MPP4: variants seen among roughly 807,000 people sequenced by gnomAD.
The protein encoded by MPP4 is MAGUK p55 scaffold protein 4.
Under a neutral mutation model 98.3 loss-of-function variants are expected in MPP4, and 91 were observed. The observed-to-expected ratio is 0.93, with a 90% CI of 0.78 to 1.10. The LOEUF (loss-of-function observed/expected upper bound fraction) is 1.10. Among genes scored for constraint, MPP4 ranks in the 50% least tolerant of loss-of-function variants. The pLI is 0.00. For synonymous variants in MPP4, 261 were observed against 271.8 expected (o/e 0.96, Z 0.39); for missense variants, 744 against 792.9 (o/e 0.94, Z 0.74).
chr2:201,645,165 G>GT lies in MPP4; in HGVS notation c.*44dup, dbSNP rs1455060942. 2 of 1,495,448 alleles carry GT rather than the reference G, an allele frequency of 1.3e-6. No homozygotes were observed. The highest frequency in any genetic ancestry group is 4.6e-5 in the East Asian group (2 of 43,422). 92.6% of individuals were successfully genotyped at this position (1,495,448 alleles called of 1,614,324 possible). A position where few individuals can be genotyped will look rare whatever the true frequency, so the allele number is the denominator to read the frequency against. ...TTTTAGATTGCAACTATGGATCGCT[G>GT]TATCAAGGGTACAGTGTTAAAACTC... On this transcript the variant is annotated 3_prime_UTR_variant, in exon 22 of 22. Coordinates refer to ENST00000409474, the MANE Select transcript of MPP4 (RefSeq NM_033066.3).
chr2:201,690,940 C>T (rs1688999668), intron 3 of MPP4, among the ~76,000 whole-genome samples: 1 of 152,214 alleles, frequency 6.6e-6, no homozygotes, highest in Non-Finnish European at 1.5e-5. Flanking sequence ...GCAATGCACC[C>T]CTTGATCTTA....
intron 11 of MPP4, 142 bp downstream of exon 11, chr2:201,675,065 C>T: frequency 1.0e-6 from 1 of 971,312 alleles, no homozygotes; most frequent in Non-Finnish European, 1.6e-6. Flanking sequence ...AATCTAGGGC[C>T]CTTCAAGGAG....
chr2:201,685,882 T>C lies in MPP4; in HGVS notation c.492+37A>G, dbSNP rs754459274. The C allele has an allele frequency of 8.7e-6, 14 of 1,601,384 alleles. No individual in the cohort carries two copies. In the South Asian group the frequency reaches 1.3e-4, roughly 15 times the overall value. Reference sequence around the variant, plus strand: ...AATTTGGTTCACAATTAACCTAAGCTTACCCTAAATGGAAAGATAAAAAAT... The same window carrying C: ...AATTTGGTTCACAATTAACCTAAGCCTACCCTAAATGGAAAGATAAAAAAT... On this transcript the variant is annotated intron_variant, in intron 6 of 21. Coordinates refer to ENST00000409474, the MANE Select transcript of MPP4 (RefSeq NM_033066.3).
intron 18 of MPP4, chr2:201,650,848 G>C: frequency 1.0e-6 from 1 of 985,392 alleles, no homozygotes; most frequent in Non-Finnish European, 1.2e-6. Context: ...TCTAGATTCA[G>C]TCTGATTCTT....
rs368365239 is a variant in MPP4, at chr2:201,660,325, C to G, written c.1087+7G>C. ...ATTTGGTATATCTAGGAAATAAAAA[C>G]AATTACCTTCTGAAAGTTCCTCTGG... is the stretch of plus-strand genomic sequence containing the variant. On this transcript the variant is annotated splice_region_variant and intron_variant, in intron 15 of 21. Transcript: ENST00000409474. The G allele has an allele frequency of 5.0e-6, 8 of 1,612,020 alleles. No homozygotes were observed. Among genetic ancestry groups the G allele is most frequent in the Non-Finnish European group, 6.8e-6 (8 of 1,178,208 alleles).
At chr2:201,678,146 C>T (rs1477436737) in intron 10 of MPP4, among the ~76,000 whole-genome samples, 2 of 151,980 alleles carry the variant, frequency 1.3e-5, no homozygotes, top group African/African-American at 4.8e-5. Context: ...TGAGAACTTC[C>T]TATCATTCTT....
At chr2:201,695,718 CA>C (rs1436061407) in intron 1 of MPP4, among the ~76,000 whole-genome samples, 2 of 152,086 alleles carry the variant, frequency 1.3e-5, no homozygotes, top group African/African-American at 4.8e-5. Context: ...CTGTTAGAGC[CA>C]ACAGGTTAAG....
In MPP4 at chr2:201,656,279, T is replaced by A; in HGVS notation, c.1219A>T (p.Ser407Cys). 1 of 1,589,574 alleles carries A rather than the reference T, an allele frequency of 6.3e-7. No individual in the cohort carries two copies. The highest frequency in any genetic ancestry group is 1.8e-5 in the Admixed American group (1 of 56,492). ...TCCTCGTAAGGGGCACCCACTGCAC[T>A]GTAGCAGCTGCCGGTGCAGCACACA... ...ASVCCTGSCY[S>C]AVGAPYEEVV... The change falls in exon 17 of 22, where the codon AGT (serine) becomes TGT (cysteine). Residue 407 changes from serine (S) to cysteine (C), a missense_variant. Coordinates refer to ENST00000409474, the MANE Select transcript of MPP4 (RefSeq NM_033066.3).
chr2:201,686,933 A>G (rs1688856001), intron 5 of MPP4, among the ~76,000 whole-genome samples: 1 of 152,248 alleles, frequency 6.6e-6, no homozygotes, highest in Admixed American at 6.5e-5. Flanking sequence ...CACATTATCT[A>G]AAACTCAAAA....
At position 201,680,925 on chromosome 2, in the gene MPP4, T is replaced by C; in HGVS notation, c.842A>G (p.Gln281Arg). The change falls in exon 10 of 22, where the codon CAG becomes CGG. Residue 281 changes from glutamine (Q) to arginine (R), a missense_variant. Gln to Arg is a conservative substitution (Grantham distance 43). Transcript: ENST00000409474. The part of the protein sequence containing the change: ...QKGDILQIVD[Q>R]NDALWWQARK... The stretch of plus-strand genomic sequence containing the variant: ...GGCCTGCCACCAGAGGGCATCATTC[T>C]GGTCCACAATCTGGAGGATGTCCCC... The C allele has an allele frequency of 6.2e-7, 1 of 1,613,920 alleles. No homozygotes were observed. The highest frequency in any genetic ancestry group is 8.5e-7 in the Non-Finnish European group (1 of 1,179,870).
At chr2:201,686,446 A>G (rs1688837202) in intron 5 of MPP4, among the ~76,000 whole-genome samples, 1 of 152,194 alleles carries the variant, frequency 6.6e-6, no homozygotes, top group African/African-American at 2.4e-5. Flanking sequence ...AAGGGCAGCA[A>G]TCAAAATATC....
chr2:201,668,550 T>G (rs1367609560), intron 12 of MPP4, among the ~76,000 whole-genome samples: 3 of 151,336 alleles, frequency 2.0e-5, no homozygotes, highest in African/African-American at 7.3e-5. Context: ...CAACACCACA[T>G]AAGCACACAG....
intron 20 of MPP4, among the ~76,000 whole-genome samples, chr2:201,649,339 C>T (rs1056826569): frequency 6.6e-6 from 1 of 152,198 alleles, no homozygotes; most frequent in Non-Finnish European, 1.5e-5. Flanking sequence ...ATTCTTGCTT[C>T]TCTTTGTGAC....
At chr2:201,668,701 T>C (rs1233984239) in intron 12 of MPP4, among the ~76,000 whole-genome samples, 2 of 152,186 alleles carry the variant, frequency 1.3e-5, no homozygotes, top group Admixed American at 1.3e-4. Context: ...TGTGGTATCT[T>C]GTTACGGAAG....
In MPP4 at chr2:201,654,831, A is replaced by G; in HGVS notation, c.1381+6T>C. The G allele has an allele frequency of 1.3e-6, 2 of 1,593,402 alleles. No individual in the cohort carries two copies. Among genetic ancestry groups the G allele is most frequent in the South Asian group, 1.2e-5 (1 of 86,948 alleles). ...CAAACCATTATGAAAGCAGAACTAA[A>G]CATACGTGGCACAGCACTTTGAAAA... On this transcript the variant is annotated splice_donor_region_variant and intron_variant, in intron 18 of 21. Transcript: ENST00000409474.
chr2:201,646,827 C>T (rs886517580), intron 21 of MPP4: 7 of 152,148 alleles, frequency 4.6e-5, no homozygotes, highest in African/African-American at 1.7e-4. Context: ...TTTTTAGTTT[C>T]AATTTTGCCA....
chr2:201,653,277 A>G (rs1273411550), intron 18 of MPP4, among the ~76,000 whole-genome samples: 3 of 152,108 alleles, frequency 2.0e-5, no homozygotes, highest in Admixed American at 2.0e-4. Flanking sequence ...TAATTCGGAC[A>G]CCATTCTTCT....
intron 17 of MPP4, 58 bp downstream of exon 17, chr2:201,656,140 T>C: frequency 5.4e-6 from 8 of 1,495,098 alleles, no homozygotes; most frequent in Non-Finnish European, 7.2e-6. Flanking sequence ...GCAAGACACC[T>C]GAATCTAGAA....
intron 1 of MPP4, among the ~76,000 whole-genome samples, chr2:201,695,080 T>G (rs1306601434): frequency 6.6e-6 from 1 of 152,188 alleles, no homozygotes; most frequent in Non-Finnish European, 1.5e-5. Flanking sequence ...CTTGTTCGTG[T>G]GAAAGTTCAG....
Sources: allele counts gnomAD v4.1 joint callset (sites outside exome capture counted in the v4.1 genomes callset), GRCh38; gene constraint gnomAD v4.1.1; transcripts MANE v1.5; gene names NCBI Gene and HGNC (gene_info 2026-07-23, HGNC 2026-07-21).